ESCO1: variants seen among roughly 807,000 people sequenced by gnomAD.
The protein encoded by ESCO1 is establishment of sister chromatid cohesion N-acetyltransferase 1.
ESCO1 carries 33 observed loss-of-function variants against 83.5 expected under a neutral mutation model. The observed-to-expected ratio is 0.40, with a 90% CI of 0.30 to 0.53. The LOEUF (loss-of-function observed/expected upper bound fraction) is 0.53. Among genes scored for constraint, ESCO1 ranks in the 20% least tolerant of loss-of-function variants. ESCO1 has a pLI of 0.63. For synonymous variants in ESCO1, 332 were observed against 324.3 expected, an observed-to-expected ratio of 1.02 and a Z score of -0.25; for missense variants, 855 against 968.0, an observed-to-expected ratio of 0.88 and a Z score of 1.55.
At chr18:21,585,140 C>CAAA (rs34965491) in intron 1 of ESCO1, among the ~76,000 whole-genome samples, 1 of 113,514 alleles carries the variant, frequency 8.8e-6, no homozygotes, top group African/African-American at 3.3e-5. Context: ...GACTCCATCT[C>CAAA]AAAAAAAAAA....
intron 4 of ESCO1, 59 bp from the exon 5 acceptor site, chr18:21,568,153 T>G (rs773577578): frequency 7.6e-7 from 1 of 1,311,134 alleles, no homozygotes; most frequent in East Asian, 2.3e-5. Flanking sequence ...AAATAAACTT[T>G]CAGTAAATTT....
chr18:21,589,028 G>A (rs2038623099), intron 1 of ESCO1, among the ~76,000 whole-genome samples: 1 of 152,186 alleles, frequency 6.6e-6, no homozygotes, highest in African/African-American at 2.4e-5. Context: ...GGTCACCTGA[G>A]GTCAGGAGTT....
chr18:21,531,303 G>A (rs1420464078), intron 11 of ESCO1, among the ~76,000 whole-genome samples: 1 of 152,050 alleles, frequency 6.6e-6, no homozygotes, highest in Non-Finnish European at 1.5e-5. Flanking sequence ...TTTTTGCCAG[G>A]CACATGGCTA....
At position 21,532,664 on chromosome 18, in the gene ESCO1, C is replaced by A. The variant is rs752170105; in HGVS notation, c.2188-4G>T. On this transcript the variant is annotated splice_polypyrimidine_tract_variant and splice_region_variant and intron_variant, in intron 10 of 11. Coordinates refer to ENST00000269214, the MANE Select transcript of ESCO1 (RefSeq NM_052911.3). ...TCTCTTCTATAACTCTGTAGCCCTACAGGTGTCAAAAATGGGGAAAAAATT... is the reference window on the plus strand; with the variant it reads ...TCTCTTCTATAACTCTGTAGCCCTAAAGGTGTCAAAAATGGGGAAAAAATT... 5 of 1,605,756 alleles carry A rather than the reference C, an allele frequency of 3.1e-6. No individual in the cohort carries two copies. The African/African-American group carries it at 6.7e-5, about 22-fold the overall frequency.
intron 8 of ESCO1, among the ~76,000 whole-genome samples, chr18:21,560,028 C>T (rs1475612046): frequency 6.6e-6 from 1 of 151,722 alleles, no homozygotes; most frequent in Non-Finnish European, 1.5e-5. Flanking sequence ...GTATCTGGTA[C>T]CTATATAAAG....
chr18:21,532,037 TGACA>T (rs2037773720), intron 11 of ESCO1, among the ~76,000 whole-genome samples: 1 of 152,138 alleles, frequency 6.6e-6, no homozygotes, highest in Admixed American at 6.6e-5. Flanking sequence ...TTGATATCTC[TGACA>T]GTCAAGTGAT....
At position 21,572,976 on chromosome 18, in the gene ESCO1, A is replaced by G. The variant is rs547280814; in HGVS notation, c.1530+338T>C. ...CGAAACTCCATCTCAAAAAAAAAAA[A>G]AGTAGTCCCTAAGAAACGTACTTTC... is the stretch of plus-strand genomic sequence containing the variant. On this transcript the variant is annotated intron_variant, in intron 4 of 11. Coordinates refer to ENST00000269214, the MANE Select transcript of ESCO1 (RefSeq NM_052911.3). 6.8e-4 allele frequency among the ~76,000 whole-genome samples: 104 copies of G among 152,098 alleles called. 2 individuals are homozygous for G. In the South Asian group the frequency reaches 0.02, roughly 29 times the overall value.
chr18:21,573,775 T>G lies in ESCO1; in HGVS notation c.1069A>C (p.Asn357His), dbSNP rs774893479. ...ERQILHQKET[N>H]QDVQCNRFFP... ...AAACGATTACATTGCACATCCTGAT[T>G]TGTTTCCTTCTGATGAAGTATTTGT... Residue 357 changes from asparagine (N) to histidine (H), a missense_variant, in exon 4 of 12, where the codon AAT (asparagine) becomes CAT (histidine). This residue lies in a region of ESCO1 where 726 missense variants were observed against 699.5 expected (regional missense o/e 1.04). Transcript: ENST00000269214. The G allele has an allele frequency of 6.2e-6, 10 of 1,614,184 alleles. No homozygotes were observed. In the South Asian group the frequency reaches 1.1e-4, roughly 18 times the overall value.
chr18:21,594,869 G>A (rs1373770836), intron 1 of ESCO1, among the ~76,000 whole-genome samples: 1 of 151,218 alleles, frequency 6.6e-6, no homozygotes, highest in Non-Finnish European at 1.5e-5. Context: ...AAAGCAACAA[G>A]TATTTGTTTA....
chr18:21,597,049 C>T (rs1173230506), intron 1 of ESCO1: 2 of 152,140 alleles, frequency 1.3e-5, no homozygotes, highest in African/African-American at 4.8e-5. Flanking sequence ...CAAAACAGAC[C>T]AATGAATTCT....
At chr18:21,581,921 A>C (rs996358275) in intron 2 of ESCO1, among the ~76,000 whole-genome samples, 1 of 151,872 alleles carries the variant, frequency 6.6e-6, no homozygotes, top group Admixed American at 6.6e-5. Flanking sequence ...CTATACTAAA[A>C]AAAAAAAAAG....
intron 10 of ESCO1, among the ~76,000 whole-genome samples, chr18:21,533,498 G>A (rs1164738080): frequency 6.6e-6 from 1 of 152,110 alleles, no homozygotes; most frequent in Non-Finnish European, 1.5e-5. Context: ...GTTTCAACAT[G>A]TTGGCCAGGC....
rs1192534759 is a variant in ESCO1 at position 21,579,794 on chromosome 18, G to GCGCACACACACACA, written c.-693-4018_-693-4017insTGTGTGTGTGTGCG. Among the ~76,000 whole-genome samples, 10 of 37,168 alleles carry GCGCACACACACACA rather than the reference G, an allele frequency of 2.7e-4. No homozygotes were observed. In the East Asian group the frequency reaches 5.4e-3, roughly 20 times the overall value. 24.4% of individuals were successfully genotyped at this position (37,168 alleles called of 152,430 possible). On this transcript the variant is annotated intron_variant, in intron 2 of 11. Transcript: ENST00000269214. ...CTGACACACACACACACGCGCGCGC[G>GCGCACACACACACA]CACACACACACACACACACACACAC...
At chr18:21,530,842 G>A (rs2037758467) in intron 11 of ESCO1, among the ~76,000 whole-genome samples, 1 of 152,154 alleles carries the variant, frequency 6.6e-6, no homozygotes, top group Non-Finnish European at 1.5e-5. Flanking sequence ...TCAGGAATAA[G>A]AGAAGACTAC....
Position 21,550,307 on chromosome 18 carries a change from C to G in ESCO1, c.1954-10298G>C, listed in dbSNP as rs535958833. Among the ~76,000 whole-genome samples the G allele has an allele frequency of 5.0e-4, 76 of 152,334 alleles. No individual in the cohort carries two copies. In the South Asian group the frequency reaches 9.7e-3, roughly 20 times the overall value. On this transcript the variant is annotated intron_variant, in intron 8 of 11. Transcript: ENST00000269214. ...AGATATTCAGTTATTATTTAGTTAA[C>G]TGATCCAATTTTCCCAATTACGTTG...
rs905491389 is a variant in ESCO1, at chr18:21,573,164, G to C, written c.1530+150C>G. The C allele has an allele frequency of 4.4e-6, 3 of 683,198 alleles. No individual in the cohort carries two copies. The African/African-American group carries it at 5.6e-5, about 13-fold the overall frequency. The allele number at this position is 683,198 out of a possible 1,614,324, so 42.3% of individuals were successfully genotyped here. On this transcript the variant is annotated intron_variant, in intron 4 of 11. Transcript: ENST00000269214. ...CATCTGAAGTTCTATCACAAGACTG[G>C]GTTAATAAAACTCTCGCTAACAACT...
At position 21,542,915 on chromosome 18, in the gene ESCO1, A is replaced by T. The variant is rs573522387; in HGVS notation, c.1954-2906T>A. Among the ~76,000 whole-genome samples, 5 of 152,242 alleles carry T rather than the reference A, an allele frequency of 3.3e-5. No individual in the cohort carries two copies. In the South Asian group the frequency reaches 1.0e-3, roughly 32 times the overall value. On this transcript the variant is annotated intron_variant, in intron 8 of 11. Coordinates refer to ENST00000269214, the MANE Select transcript of ESCO1 (RefSeq NM_052911.3). Reference sequence around the variant, plus strand: ...GTTCAGGAAAGAGTGCATGCAATTTAGAAGAATAATCAAATAGCCACAACG... The same window carrying T: ...GTTCAGGAAAGAGTGCATGCAATTTTGAAGAATAATCAAATAGCCACAACG...
In ESCO1 at chr18:21,573,757, T is replaced by C. The variant is rs1188136357; in HGVS notation, c.1087A>G (p.Asn363Asp). The C allele has an allele frequency of 1.9e-6, 3 of 1,614,204 alleles. No individual in the cohort carries two copies. Among genetic ancestry groups the C allele is most frequent in the Non-Finnish European group, 2.5e-6 (3 of 1,180,030 alleles). The change falls in exon 4 of 12, where the codon AAT (asparagine) becomes GAT (aspartate). Residue 363 changes from asparagine to aspartate, a missense_variant. Asn to Asp is a conservative substitution (Grantham distance 23, BLOSUM62 1). Coordinates refer to ENST00000269214, the MANE Select transcript of ESCO1 (RefSeq NM_052911.3). ...GTTTTTCTACTTGGGAAAAAACGATTACATTGCACATCCTGATTTGTTTCC... is the reference window on the plus strand; with the variant it reads ...GTTTTTCTACTTGGGAAAAAACGATCACATTGCACATCCTGATTTGTTTCC... ...QKETNQDVQCNRFFPSRKTKP... is the reference protein window; with the variant it reads ...QKETNQDVQCDRFFPSRKTKP...
Position 21,596,524 on chromosome 18 carries a change from T to C in ESCO1, c.-825+4099A>G, listed in dbSNP as rs559344137. ...AGCTATAATAATATTACAGGGAAAATGTTTTTATGAAAAGATAGAAAATAT... is the reference window on the plus strand; with the variant it reads ...AGCTATAATAATATTACAGGGAAAACGTTTTTATGAAAAGATAGAAAATAT... On this transcript the variant is annotated intron_variant, in intron 1 of 11. Coordinates refer to ENST00000269214, the MANE Select transcript of ESCO1 (RefSeq NM_052911.3). 2.0e-5 allele frequency among the ~76,000 whole-genome samples: 3 copies of C among 152,076 alleles called. No homozygotes were observed. The East Asian group carries it at 5.8e-4, about 30-fold the overall frequency.
Sources: allele counts gnomAD v4.1 joint callset (sites outside exome capture counted in the v4.1 genomes callset), GRCh38; gene constraint gnomAD v4.1.1; regional missense constraint gnomAD v4.1.1; transcripts MANE v1.5; gene names NCBI Gene and HGNC (gene_info 2026-07-23, HGNC 2026-07-21).